MB21D2: variants seen among roughly 807,000 people sequenced by gnomAD.
The protein encoded by MB21D2 is Mab-21 domain containing 2, also known as nucleotidyltransferase MB21D2.
MB21D2 carries 9 observed loss-of-function variants against 33.3 expected under a neutral mutation model. That is an observed-to-expected ratio of 0.27 (90% CI 0.16 to 0.47). The LOEUF (loss-of-function observed/expected upper bound fraction) is 0.47, where lower values mean the gene tolerates loss of function less well. Among genes scored for constraint, MB21D2 ranks in the 20% least tolerant of loss-of-function variants. MB21D2 has a pLI of 0.99. For synonymous variants in MB21D2, 241 were observed against 236.3 expected, an observed-to-expected ratio of 1.02 and a Z score of -0.18; for missense variants, 540 against 624.6, an observed-to-expected ratio of 0.86 and a Z score of 1.44.
In MB21D2 at chr3:192,798,614, C is replaced by G; in HGVS notation, c.1248G>C (p.Glu416Asp). 7 of 1,614,000 alleles carry G rather than the reference C, an allele frequency of 4.3e-6. No individual in the cohort carries two copies. Among genetic ancestry groups the G allele is most frequent in the Non-Finnish European group, 5.9e-6 (7 of 1,180,040 alleles). The change falls in exon 2 of 2, where the codon GAG becomes GAC. Residue 416 changes from glutamate (E) to aspartate (D), a missense_variant. Transcript: ENST00000392452. This position sits in a 1 kb window ranked among gnomAD's most constrained non-coding sequence, Gnocchi z 4.8. The part of the protein sequence containing the change: ...DPAEHLRTAI[E>D]HVKAANRLTL... ...TCAGCCGGTTGGCTGCCTTGACATGCTCAATGGCGGTGCGCAAGTGCTCTG... is the reference window on the plus strand; with the variant it reads ...TCAGCCGGTTGGCTGCCTTGACATGGTCAATGGCGGTGCGCAAGTGCTCTG...
chr3:192,900,255 A>G (rs1462146960), intron 1 of MB21D2, among the ~76,000 whole-genome samples: 3 of 143,982 alleles, frequency 2.1e-5, no homozygotes, highest in Admixed American at 7.2e-5. Context: ...ACTGCACTCC[A>G]GCCTGGGTGA....
intron 1 of MB21D2, among the ~76,000 whole-genome samples, chr3:192,867,245 A>G (rs1300597519): frequency 6.6e-6 from 1 of 152,134 alleles, no homozygotes; most frequent in Non-Finnish European, 1.5e-5. Flanking sequence ...GCAAAAATGC[A>G]ACAAGCAAAG....
intron 1 of MB21D2, among the ~76,000 whole-genome samples, chr3:192,878,888 C>T (rs145459969): frequency 0.011 from 1,671 of 152,254 alleles, 35 homozygotes; most frequent in African/African-American, 0.038. Flanking sequence ...TGCTTGAACC[C>T]GGGATGTGGG....
intron 1 of MB21D2, among the ~76,000 whole-genome samples, chr3:192,897,501 C>A (rs963229901): frequency 1.3e-5 from 2 of 152,190 alleles, no homozygotes; most frequent in African/African-American, 4.8e-5. Context: ...CTAGAGGAGG[C>A]AGCTGCTATT....
chr3:192,871,365 T>C (rs1428383482), intron 1 of MB21D2, among the ~76,000 whole-genome samples: 1 of 152,182 alleles, frequency 6.6e-6, no homozygotes, highest in Admixed American at 6.5e-5. Context: ...ATGTGGCCCT[T>C]GTATATACTT....
At chr3:192,833,353 C>T (rs1712362840) in intron 1 of MB21D2, among the ~76,000 whole-genome samples, 2 of 152,176 alleles carry the variant, frequency 1.3e-5, no homozygotes, top group Admixed American at 1.3e-4. Context: ...AGATGTACAA[C>T]ATAATTTTCT....
At chr3:192,862,810 T>G (rs1488767415) in intron 1 of MB21D2, among the ~76,000 whole-genome samples, 1 of 152,184 alleles carries the variant, frequency 6.6e-6, no homozygotes, top group Non-Finnish European at 1.5e-5. Context: ...TTATAAACAA[T>G]GTAAATGTAT....
At chr3:192,879,967 G>T (rs1713524246) in intron 1 of MB21D2, among the ~76,000 whole-genome samples, 1 of 152,022 alleles carries the variant, frequency 6.6e-6, no homozygotes, top group Admixed American at 6.6e-5. Flanking sequence ...CAGCTCCCCA[G>T]GATTCTACCA....
intron 1 of MB21D2, among the ~76,000 whole-genome samples, chr3:192,835,455 C>CAAAAAAAAAAAAAAAA (rs34280688): frequency 1.6e-5 from 1 of 61,172 alleles, no homozygotes; most frequent in African/African-American, 5.7e-5. Flanking sequence ...GACTCTGTCT[C>CAAAAAAAAAAAAAAAA]AAAAAAAAAA....
At chr3:192,886,602 G>A (rs750192764) in intron 1 of MB21D2, among the ~76,000 whole-genome samples, 4 of 152,182 alleles carry the variant, frequency 2.6e-5, no homozygotes, top group Non-Finnish European at 5.9e-5. Flanking sequence ...AAATACGAGT[G>A]TGTCACTCTA....
At chr3:192,873,781 T>TAAC (rs1313995789) in intron 1 of MB21D2, among the ~76,000 whole-genome samples, 6 of 151,878 alleles carry the variant, frequency 4.0e-5, no homozygotes, top group African/African-American at 1.5e-4. Context: ...CAGCTCACTG[T>TAAC]AACCTCTGCC....
rs182445467 is a variant in MB21D2, at chr3:192,821,562, T to C, written c.212-21912A>G. ...TCTCAGTCCAGAATTTTCTGCCCCT[T>C]CCCTCTCTTCTTGCCTAATTCTACC... On this transcript the variant is annotated intron_variant, in intron 1 of 1. Coordinates refer to ENST00000392452, the MANE Select transcript of MB21D2 (RefSeq NM_178496.4). Among the ~76,000 whole-genome samples the C allele has an allele frequency of 1.9e-3, 287 of 152,326 alleles. 1 individual carries two copies. The highest frequency in any genetic ancestry group is 0.015 in the South Asian group (74 of 4,822).
In MB21D2 at chr3:192,799,627, T is replaced by G. The variant is rs1265343457; in HGVS notation, c.235A>C (p.Lys79Gln). ...MLGMVQKLDQ[K>Q]LPVANEYLLL... ...AGGTATTCATTAGCCACTGGAAGCTTTTGGTCCAGCTTTTGCACCATTCCT... is the reference window on the plus strand; with the variant it reads ...AGGTATTCATTAGCCACTGGAAGCTGTTGGTCCAGCTTTTGCACCATTCCT... The change falls in exon 2 of 2, where the codon AAG becomes CAG. Residue 79 changes from lysine to glutamine, a missense_variant. Transcript: ENST00000392452. The surrounding 1 kb of genome is among the most constrained non-coding windows in gnomAD (Gnocchi z 4.1). The G allele has an allele frequency of 6.2e-7, 1 of 1,613,856 alleles. No individual in the cohort carries two copies. Among genetic ancestry groups the G allele is most frequent in the Non-Finnish European group, 8.5e-7 (1 of 1,179,884 alleles).
chr3:192,810,394 T>C (rs1310570789), intron 1 of MB21D2, among the ~76,000 whole-genome samples: 1 of 152,050 alleles, frequency 6.6e-6, no homozygotes, highest in Non-Finnish European at 1.5e-5. Context: ...TCCCAATTTA[T>C]ATAAAGAAGC....
intron 1 of MB21D2, among the ~76,000 whole-genome samples, chr3:192,819,719 G>T (rs551925298): frequency 6.6e-6 from 1 of 152,142 alleles, no homozygotes; most frequent in Admixed American, 6.5e-5. Flanking sequence ...CTGCTGGAGT[G>T]GTCCCCAAGT....
chr3:192,816,368 T>C (rs1469544649), intron 1 of MB21D2, among the ~76,000 whole-genome samples: 1 of 152,172 alleles, frequency 6.6e-6, no homozygotes, highest in African/African-American at 2.4e-5. Context: ...ACAGTAACTT[T>C]CAGATGAAAA....
At chr3:192,867,310 G>A (rs932437615) in intron 1 of MB21D2, among the ~76,000 whole-genome samples, 1 of 152,126 alleles carries the variant, frequency 6.6e-6, no homozygotes, top group Non-Finnish European at 1.5e-5. Flanking sequence ...CTGAGAAAGG[G>A]TCCCAGCAGA....
chr3:192,799,004 T>G lies in MB21D2; in HGVS notation c.858A>C (p.Glu286Asp), dbSNP rs1342128049. 5.6e-6 allele frequency: 9 copies of G among 1,614,102 alleles called. No homozygotes were observed. Among genetic ancestry groups the G allele is most frequent in the Non-Finnish European group, 1.7e-6 (2 of 1,180,014 alleles). ...CGCTCCTGGCAAAGGACAGCCGCCA[T>G]TCATTGTCCTTCTTACCCTTGTAGG... ...ACSYKGKKDN[E>D]WRLSFARSEV... is the part of the protein sequence containing the mutation. The change falls in exon 2 of 2, where the codon GAA (glutamate) becomes GAC (aspartate). Residue 286 changes from glutamate (E) to aspartate (D), a missense_variant. By Grantham distance (45) the Glu-to-Asp change is conservative (BLOSUM62 2). Transcript: ENST00000392452. The surrounding 1 kb of genome is among the most constrained non-coding windows in gnomAD (Gnocchi z 4.1).
chr3:192,890,340 T>A (rs533375912), intron 1 of MB21D2, among the ~76,000 whole-genome samples: 1 of 152,158 alleles, frequency 6.6e-6, no homozygotes, highest in South Asian at 2.1e-4. Context: ...GTTTTTTTCC[T>A]GGTATTTTCA....
Sources: gnomAD v4.1 joint callset for allele counts (sites outside exome capture counted in the v4.1 genomes callset) on GRCh38, gnomAD v4.1.1 for gene constraint, Gnocchi (gnomAD v3.1) non-coding constraint, MANE v1.5 for transcripts, NCBI Gene and HGNC (gene_info 2026-07-23, HGNC 2026-07-21) for gene names.